PTPRD: variants seen among roughly 807,000 people sequenced by gnomAD.
PTPRD encodes protein tyrosine phosphatase receptor type D, also known as receptor-type tyrosine-protein phosphatase delta.
In PTPRD, 34 loss-of-function variants were observed where a neutral mutation model predicts 214.5. That is an observed-to-expected ratio of 0.16 (90% CI 0.12 to 0.21). The LOEUF is 0.21. PTPRD is among the 10% of genes least tolerant of loss of function. The pLI, the probability that PTPRD is intolerant of heterozygous loss-of-function variation, is 1.00. For missense variants in PTPRD, 2,545 were observed against 2,398.7 expected, an observed-to-expected ratio of 1.06 and a Z score of -1.27; for synonymous variants, 1,128 against 845.7, an observed-to-expected ratio of 1.33 and a Z score of -5.79.
At chr9:9,504,220 T>G (rs894380287) in intron 8 of PTPRD, among the ~76,000 whole-genome samples, 2 of 151,804 alleles carry the variant, frequency 1.3e-5, no homozygotes, top group Non-Finnish European at 1.5e-5. Flanking sequence ...GGACAAGCTT[T>G]GGATTTTGTA....
intron 7 of PTPRD, among the ~76,000 whole-genome samples, chr9:9,605,811 T>C (rs1564007689): frequency 6.6e-6 from 1 of 152,070 alleles, no homozygotes; most frequent in Non-Finnish European, 1.5e-5. Context: ...TTAAACTTTC[T>C]TGGATTAGTT....
Position 9,749,343 on chromosome 9 carries a change from T to C in PTPRD, c.-325-14772A>G, listed in dbSNP as rs138173023. Reference sequence around the variant, plus strand: ...GGTATTAAGCCTTTTTGCCCATGCCTTTATAACCACGTTTTCCAATCATCT... The same window carrying C: ...GGTATTAAGCCTTTTTGCCCATGCCCTTATAACCACGTTTTCCAATCATCT... On this transcript the variant is annotated intron_variant, in intron 6 of 45. Coordinates refer to ENST00000381196, the MANE Select transcript of PTPRD (RefSeq NM_002839.4). 2.5e-4 allele frequency among the ~76,000 whole-genome samples: 38 copies of C among 152,260 alleles called. 1 individual carries two copies. Among genetic ancestry groups the C allele is most frequent in the African/African-American group, 9.1e-4 (38 of 41,562 alleles).
chr9:8,689,789 G>C (rs1259376240), intron 12 of PTPRD, among the ~76,000 whole-genome samples: 1 of 152,128 alleles, frequency 6.6e-6, no homozygotes, highest in Non-Finnish European at 1.5e-5. Context: ...TTTGAGTGAA[G>C]AGGGAATACT....
At chr9:8,734,954 T>C (rs1452145997) in intron 11 of PTPRD, among the ~76,000 whole-genome samples, 2 of 151,834 alleles carry the variant, frequency 1.3e-5, no homozygotes. Flanking sequence ...GGCAGGGCAG[T>C]GGGAAAGGAA....
chr9:9,889,976 G>C (rs2072660918), intron 5 of PTPRD, among the ~76,000 whole-genome samples: 1 of 152,138 alleles, frequency 6.6e-6, no homozygotes, highest in East Asian at 1.9e-4. Context: ...GCAGAGGGCA[G>C]TTCAGCAAAC....
intron 10 of PTPRD, among the ~76,000 whole-genome samples, chr9:9,165,788 T>C (rs775696693): frequency 6.6e-6 from 1 of 152,160 alleles, no homozygotes; most frequent in Non-Finnish European, 1.5e-5. Context: ...GTCTTCTTGA[T>C]CTTTGAAGGC....
intron 3 of PTPRD, among the ~76,000 whole-genome samples, chr9:10,111,065 C>A (rs1349599360): frequency 6.6e-6 from 1 of 151,990 alleles, no homozygotes; most frequent in Admixed American, 6.6e-5. Flanking sequence ...TATATACATT[C>A]TTTGAGTTCC....
At chr9:8,427,027 C>T (rs996028796) in intron 35 of PTPRD, among the ~76,000 whole-genome samples, 5 of 152,144 alleles carry the variant, frequency 3.3e-5, no homozygotes, top group African/African-American at 1.2e-4. Flanking sequence ...TTATAAGATG[C>T]CAAAAGCAGC....
chr9:10,370,274 A>T (rs1001064515), intron 2 of PTPRD, among the ~76,000 whole-genome samples: 1 of 152,104 alleles, frequency 6.6e-6, no homozygotes, highest in Non-Finnish European at 1.5e-5. Context: ...AATCAGTGAA[A>T]GGAAGTATTA....
intron 11 of PTPRD, among the ~76,000 whole-genome samples, chr9:8,739,416 AATT>A (rs1478698604): frequency 6.6e-6 from 1 of 152,228 alleles, no homozygotes; most frequent in Admixed American, 6.5e-5. Flanking sequence ...ATTGACTAAT[AATT>A]GACCACTTTA....
chr9:10,201,140 G>C (rs2099418402), intron 3 of PTPRD, among the ~76,000 whole-genome samples: 2 of 151,986 alleles, frequency 1.3e-5, no homozygotes, highest in Non-Finnish European at 1.5e-5. Context: ...GGAAAAGACA[G>C]TGCAATGGTG....
chr9:8,695,759 A>G (rs899829611), intron 12 of PTPRD, among the ~76,000 whole-genome samples: 6 of 152,156 alleles, frequency 3.9e-5, no homozygotes, highest in African/African-American at 1.4e-4. Flanking sequence ...TCATATTTTA[A>G]ATTTCCTAGG....
At chr9:8,426,947 T>C (rs543138184) in intron 35 of PTPRD, among the ~76,000 whole-genome samples, 2 of 152,288 alleles carry the variant, frequency 1.3e-5, no homozygotes, top group East Asian at 3.9e-4. Flanking sequence ...CGCATAGACA[T>C]ACGCCCTGTT....
chr9:8,400,603 G>C (rs2092220419), intron 36 of PTPRD, among the ~76,000 whole-genome samples: 1 of 152,162 alleles, frequency 6.6e-6, no homozygotes, highest in Non-Finnish European at 1.5e-5. Context: ...CCCATGCTAA[G>C]TGACTTCAGA....
At chr9:9,756,088 T>C (rs1319796821) in intron 6 of PTPRD, among the ~76,000 whole-genome samples, 1 of 152,092 alleles carries the variant, frequency 6.6e-6, no homozygotes, top group Non-Finnish European at 1.5e-5. Context: ...ATTTTTAGAT[T>C]GAGGATATCT....
At chr9:10,083,473 C>T (rs1641472156) in intron 3 of PTPRD, among the ~76,000 whole-genome samples, 1 of 151,962 alleles carries the variant, frequency 6.6e-6, no homozygotes, top group Admixed American at 6.6e-5. Flanking sequence ...CTTCTCAAAG[C>T]CTGGATAAAC....
At chr9:10,252,984 A>G (rs1000743283) in intron 3 of PTPRD, among the ~76,000 whole-genome samples, 1 of 152,028 alleles carries the variant, frequency 6.6e-6, no homozygotes, top group African/African-American at 2.4e-5. Flanking sequence ...AGGTTTCAAC[A>G]TATTGGCCAG....
At chr9:9,817,992 C>G (rs144839015) in intron 5 of PTPRD, among the ~76,000 whole-genome samples, 1 of 152,196 alleles carries the variant, frequency 6.6e-6, no homozygotes, top group East Asian at 1.9e-4. Flanking sequence ...TTTCTTCAAT[C>G]CAATTCCAAG....
intron 8 of PTPRD, among the ~76,000 whole-genome samples, chr9:9,444,151 A>G (rs1354866180): frequency 6.6e-6 from 1 of 152,190 alleles, no homozygotes; most frequent in Non-Finnish European, 1.5e-5. Flanking sequence ...TATACTGTGT[A>G]CCATACCACT....
Sources: gnomAD v4.1 joint callset for allele counts (sites outside exome capture counted in the v4.1 genomes callset) on GRCh38, gnomAD v4.1.1 for gene constraint, MANE v1.5 for transcripts, NCBI Gene and HGNC (gene_info 2026-07-23, HGNC 2026-07-21) for gene names.